The following PRTFDC1 variants were observed in gnomAD, a reference collection of about 807,000 sequenced individuals.
PRTFDC1 encodes phosphoribosyltransferase domain-containing protein 1.
In PRTFDC1, 38 loss-of-function variants were observed where a neutral mutation model predicts 34.6. The ratio of observed to expected loss-of-function variants is 1.10; its 90% CI spans 0.85 to 1.44. The LOEUF (loss-of-function observed/expected upper bound fraction) is 1.44. PRTFDC1 is among the 40% of genes most tolerant of loss of function. The pLI, the probability that PRTFDC1 is intolerant of heterozygous loss-of-function variation, is 0.00. For synonymous variants in PRTFDC1, 93 were observed against 98.1 expected (o/e 0.95, Z 0.31); for missense variants, 270 against 283.0 (o/e 0.95, Z 0.33).
chr10:24,909,296 T>A (rs1165514955), intron 3 of PRTFDC1, among the ~76,000 whole-genome samples: 1 of 152,178 alleles, frequency 6.6e-6, no homozygotes, highest in Non-Finnish European at 1.5e-5. Flanking sequence ...AAAAGGGGAC[T>A]ATCTAACTCA....
rs757719252 is a variant in PRTFDC1, at chr10:24,942,389, TG to T, written c.95del (p.Pro32HisfsTer30). The T allele has an allele frequency of 1.9e-6, 3 of 1,613,976 alleles. No homozygotes were observed. In the East Asian group the frequency reaches 6.7e-5, roughly 36 times the overall value. On this transcript the variant is annotated frameshift_variant, in exon 2 of 9. Coordinates refer to ENST00000320152, the MANE Select transcript of PRTFDC1 (RefSeq NM_020200.7). LOFTEE classifies it high-confidence loss of function. ...ACTCCAAGTCTCCATAATAGTGCTG[TG>T]GGTACGTGAATAAATTCAAGTCATA... ...PGYDLNLFTY[P>X]QHYYGDLEYV...
intron 1 of PRTFDC1, among the ~76,000 whole-genome samples, chr10:24,949,715 GTTTATTTA>G (rs200179383): frequency 1.5e-4 from 21 of 144,142 alleles, no homozygotes; most frequent in South Asian, 4.5e-4. Flanking sequence ...CATTTTTTTT[GTTTATTTA>G]TTTATTTATT....
At chr10:24,943,355 G>A (rs988556146) in intron 1 of PRTFDC1, among the ~76,000 whole-genome samples, 1 of 151,974 alleles carries the variant, frequency 6.6e-6, no homozygotes, top group African/African-American at 2.4e-5. Context: ...CATAGTGGAT[G>A]GACTGATAGT....
chr10:24,938,539 C>T (rs982092317), intron 2 of PRTFDC1, among the ~76,000 whole-genome samples: 9 of 152,206 alleles, frequency 5.9e-5, no homozygotes, highest in Non-Finnish European at 1.3e-4. Context: ...AGGGAGCTCA[C>T]CTGATAGGGA....
intron 3 of PRTFDC1, among the ~76,000 whole-genome samples, chr10:24,925,118 A>G (rs891758710): frequency 1.3e-5 from 2 of 152,194 alleles, no homozygotes; most frequent in Non-Finnish European, 2.9e-5. Flanking sequence ...GCACATATAC[A>G]CTATGGAATA....
Position 24,856,858 on chromosome 10 carries a change from C to T in PRTFDC1, c.506+55G>A, listed in dbSNP as rs1254881631. ...GAAAGAGCATCCTGTGTTAGCATCC[C>T]TTTTGGGCTTGCTTGGAAAACTAGA... On this transcript the variant is annotated intron_variant, in intron 6 of 8. Coordinates refer to ENST00000320152, the MANE Select transcript of PRTFDC1 (RefSeq NM_020200.7). The T allele has an allele frequency of 2.7e-6, 4 of 1,459,232 alleles. No individual in the cohort carries two copies. The African/African-American group carries it at 4.2e-5, about 15-fold the overall frequency. 90.4% of individuals were successfully genotyped at this position (1,459,232 alleles called of 1,614,324 possible). A position where few individuals can be genotyped will look rare whatever the true frequency, so the allele number is the denominator to read the frequency against.
intron 3 of PRTFDC1, among the ~76,000 whole-genome samples, chr10:24,892,038 G>C (rs550487804): frequency 6.6e-6 from 1 of 152,254 alleles, no homozygotes; most frequent in South Asian, 2.1e-4. Context: ...ACTTAGTTTG[G>C]CTATTATAGT....
intron 3 of PRTFDC1, among the ~76,000 whole-genome samples, chr10:24,895,878 T>C (rs1848353426): frequency 6.6e-6 from 1 of 151,900 alleles, no homozygotes; most frequent in Non-Finnish European, 1.5e-5. Context: ...TAAAAATGTT[T>C]TCACATAATT....
intron 3 of PRTFDC1, among the ~76,000 whole-genome samples, chr10:24,935,679 C>A (rs1849038910): frequency 6.6e-6 from 1 of 152,164 alleles, no homozygotes; most frequent in African/African-American, 2.4e-5. Context: ...ACTTTGAGTT[C>A]ATCAAAAGGC....
At chr10:24,935,329 G>T (rs1849033046) in intron 3 of PRTFDC1, among the ~76,000 whole-genome samples, 1 of 152,168 alleles carries the variant, frequency 6.6e-6, no homozygotes, top group African/African-American at 2.4e-5. Context: ...GAAGCACAGG[G>T]ATTTAACCCA....
intron 3 of PRTFDC1, among the ~76,000 whole-genome samples, chr10:24,893,923 CCA>C (rs1027774887): frequency 2.0e-5 from 3 of 152,144 alleles, no homozygotes; most frequent in Non-Finnish European, 4.4e-5. Flanking sequence ...ACATGGGCAC[CCA>C]CAGTTTGTCA....
rs771774171 is a variant in PRTFDC1 at position 24,872,008 on chromosome 10, A to G, written c.395T>C (p.Leu132Pro). Reference protein sequence around the residue: ...QIIGGDDLSTLAGKNVLIVED... With the variant: ...QIIGGDDLSTPAGKNVLIVED... ...GTTACATGAACAAACCTTTCCAGCCAGCGTTGAAAGATCATCGCCTCCGAT... is the reference window on the plus strand; with the variant it reads ...GTTACATGAACAAACCTTTCCAGCCGGCGTTGAAAGATCATCGCCTCCGAT... Residue 132 changes from leucine (L) to proline (P), a missense_variant, in exon 4 of 9, where the codon CTG (leucine) becomes CCG (proline). Coordinates refer to ENST00000320152, the MANE Select transcript of PRTFDC1 (RefSeq NM_020200.7). 5.6e-6 allele frequency: 9 copies of G among 1,610,844 alleles called. No homozygotes were observed. Among genetic ancestry groups the G allele is most frequent in the Non-Finnish European group, 7.6e-6 (9 of 1,177,258 alleles).
intron 3 of PRTFDC1, among the ~76,000 whole-genome samples, chr10:24,900,338 T>C (rs1035043264): frequency 6.6e-6 from 1 of 152,268 alleles, no homozygotes; most frequent in African/African-American, 2.4e-5. Flanking sequence ...GCTTACGCAC[T>C]GTTCCATGTC....
intron 3 of PRTFDC1, among the ~76,000 whole-genome samples, chr10:24,893,726 C>T (rs1033525703): frequency 2.0e-5 from 3 of 151,980 alleles, no homozygotes; most frequent in African/African-American, 7.3e-5. Flanking sequence ...ATCTCATTTT[C>T]TAGATGAGAA....
Position 24,918,923 on chromosome 10 carries a change from C to A in PRTFDC1, c.339+18261G>T, listed in dbSNP as rs1395776271. Among the ~76,000 whole-genome samples, 3 of 152,304 alleles carry A rather than the reference C, an allele frequency of 2.0e-5. No individual in the cohort carries two copies. In the South Asian group the frequency reaches 6.2e-4, roughly 32 times the overall value. ...GTGTGGAAAGACTGTGGCCTCCATGCTCTTGAATCAGCCTGTGTAGTTTTA... is the reference window on the plus strand; with the variant it reads ...GTGTGGAAAGACTGTGGCCTCCATGATCTTGAATCAGCCTGTGTAGTTTTA... On this transcript the variant is annotated intron_variant, in intron 3 of 8. Coordinates refer to ENST00000320152, the MANE Select transcript of PRTFDC1 (RefSeq NM_020200.7).
chr10:24,875,957 G>A (rs11014276), intron 3 of PRTFDC1, among the ~76,000 whole-genome samples: 18,406 of 149,868 alleles, frequency 0.12, 1,405 homozygotes, highest in South Asian at 0.22. Flanking sequence ...CTGGCTGCCA[G>A]CAATCCTCCT....
chr10:24,950,235 C>T (rs1307688306), intron 1 of PRTFDC1, among the ~76,000 whole-genome samples: 1 of 152,094 alleles, frequency 6.6e-6, no homozygotes, highest in Non-Finnish European at 1.5e-5. Context: ...TAGTATGTTA[C>T]GGTAGTACAA....
chr10:24,872,064 C>G lies in PRTFDC1; in HGVS notation c.340-1G>C. On this transcript the variant is annotated splice_acceptor_variant, in intron 3 of 8. Coordinates refer to ENST00000320152, the MANE Select transcript of PRTFDC1 (RefSeq NM_020200.7). LOFTEE classifies it high-confidence loss of function. ...GCATCTCACCCATGGACTGGTCATT[C>G]TGCAAAAAAGAAGAAAAAAAAGGGA... The G allele has an allele frequency of 6.2e-7, 1 of 1,605,990 alleles. No homozygotes were observed. The highest frequency in any genetic ancestry group is 8.5e-7 in the Non-Finnish European group (1 of 1,174,616).
At chr10:24,949,739 ATTTTT>A (rs201933925) in intron 1 of PRTFDC1, among the ~76,000 whole-genome samples, 3 of 117,016 alleles carry the variant, frequency 2.6e-5, no homozygotes, top group Non-Finnish European at 6.1e-5. Flanking sequence ...TTATTTATTT[ATTTTT>A]TTTTTTTTTT....
Sources: allele counts gnomAD v4.1 joint callset (sites outside exome capture counted in the v4.1 genomes callset), GRCh38; gene constraint gnomAD v4.1.1; transcripts MANE v1.5; gene names NCBI Gene and HGNC (gene_info 2026-07-23, HGNC 2026-07-21).